The following ZFHX3 variants were observed in gnomAD, a reference collection of about 807,000 sequenced individuals.
ZFHX3 encodes the protein zinc finger homeobox 3.
In ZFHX3, 42 loss-of-function variants were observed where a neutral mutation model predicts 279.1. The ratio of observed to expected loss-of-function variants is 0.15; its 90% CI spans 0.12 to 0.19. ZFHX3 has a LOEUF of 0.19. Among genes scored for constraint, ZFHX3 ranks in the 10% least tolerant of loss-of-function variants. The pLI, the probability that ZFHX3 is intolerant of heterozygous loss-of-function variation, is 1.00. For synonymous variants in ZFHX3, 2,293 were observed against 1,957.8 expected, an observed-to-expected ratio of 1.17 and a Z score of -4.52; for missense variants, 4,981 against 4,754.0, an observed-to-expected ratio of 1.05 and a Z score of -1.40.
intron 2 of ZFHX3, among the ~76,000 whole-genome samples, chr16:73,647,072 G>C (rs774414870): frequency 2.0e-5 from 3 of 150,198 alleles, no homozygotes; most frequent in Non-Finnish European, 4.4e-5. Flanking sequence ...GGAGTGTGTG[G>C]CGCGATCTCG....
At chr16:73,543,789 AC>A (rs1430329606) in intron 2 of ZFHX3, among the ~76,000 whole-genome samples, 3 of 149,394 alleles carry the variant, frequency 2.0e-5, no homozygotes, top group Non-Finnish European at 3.0e-5. Flanking sequence ...AATGCGAGTG[AC>A]CCCCATCTGC....
chr16:72,935,516 G>A (rs1465031060), intron 3 of ZFHX3, among the ~76,000 whole-genome samples: 4 of 152,088 alleles, frequency 2.6e-5, no homozygotes, highest in Admixed American at 6.5e-5. Context: ...AGAGGCAGGC[G>A]GATCGCCCGA....
At chr16:73,665,621 G>A (rs1000622334) in intron 2 of ZFHX3, among the ~76,000 whole-genome samples, 2 of 151,820 alleles carry the variant, frequency 1.3e-5, no homozygotes, top group Non-Finnish European at 1.5e-5. Context: ...ATGGCAGTGG[G>A]ATTGTGACCT....
chr16:73,412,139 A>G (rs1405676150), intron 3 of ZFHX3, among the ~76,000 whole-genome samples: 1 of 151,968 alleles, frequency 6.6e-6, no homozygotes, highest in Non-Finnish European at 1.5e-5. Flanking sequence ...CAGCCTGGGT[A>G]ACAAGATGAA....
At chr16:73,002,179 G>A (rs140957792) in intron 1 of ZFHX3, among the ~76,000 whole-genome samples, 24 of 152,230 alleles carry the variant, frequency 1.6e-4, no homozygotes, top group African/African-American at 4.1e-4. Context: ...TCAAACCCCC[G>A]CCAGGATAGC....
intron 2 of ZFHX3, among the ~76,000 whole-genome samples, chr16:73,539,471 T>C (rs2019973520): frequency 7.7e-6 from 1 of 129,266 alleles, no homozygotes; most frequent in African/African-American, 3.0e-5. Context: ...TTATAAGGCC[T>C]CTGGCCTTAT....
At chr16:72,951,680 C>T (rs11075950) in intron 2 of ZFHX3, among the ~76,000 whole-genome samples, 91,325 of 152,050 alleles carry the variant, frequency 0.6, 28,554 homozygotes, top group Non-Finnish European at 0.7. Flanking sequence ...GGAAATGAGT[C>T]ACAGCTGCAA....
chr16:73,108,529 A>G (rs887007819), intron 7 of ZFHX3, among the ~76,000 whole-genome samples: 1 of 151,942 alleles, frequency 6.6e-6, no homozygotes, highest in African/African-American at 2.4e-5. Flanking sequence ...TTGACCTCAC[A>G]AAGTGCTGGG....
chr16:72,811,224 A>T (rs2143586072), intron 7 of ZFHX3, among the ~76,000 whole-genome samples: 1 of 152,282 alleles, frequency 6.6e-6, no homozygotes, highest in African/African-American at 2.4e-5. Context: ...TGAGGATGAA[A>T]TGAGACATAA....
rs1966301349 is a variant in ZFHX3, at chr16:73,106,117, T to C, written c.-896-12519A>G. Reference sequence around the variant, plus strand: ...GGGGCTTCTCTTGGTTCCCTGAGCTTTGGCTACTGCCTGACTTTTCTCATG... The same window carrying C: ...GGGGCTTCTCTTGGTTCCCTGAGCTCTGGCTACTGCCTGACTTTTCTCATG... On this transcript the variant is annotated intron_variant, in intron 7 of 17. Transcript: ENST00000641206. Among the ~76,000 whole-genome samples, 2 of 152,104 alleles carry C rather than the reference T, an allele frequency of 1.3e-5. 1 individual carries two copies. Among genetic ancestry groups the C allele is most frequent in the South Asian group, 4.2e-4 (2 of 4,814 alleles).
intron 5 of ZFHX3, among the ~76,000 whole-genome samples, chr16:73,198,437 G>T (rs1361157201): frequency 2.6e-5 from 4 of 150,976 alleles, no homozygotes; most frequent in Non-Finnish European, 5.9e-5. Context: ...TATGCAGAAA[G>T]GTATAATTCT....
intron 2 of ZFHX3, among the ~76,000 whole-genome samples, chr16:73,527,566 C>T (rs1253884254): frequency 6.6e-6 from 1 of 152,144 alleles, no homozygotes; most frequent in Non-Finnish European, 1.5e-5. Flanking sequence ...GACCTAGGGG[C>T]TCACTTCAGT....
intron 4 of ZFHX3, among the ~76,000 whole-genome samples, chr16:73,309,872 G>A (rs897347128): frequency 1.4e-4 from 21 of 149,760 alleles, no homozygotes; most frequent in African/African-American, 4.9e-4. Flanking sequence ...ACTTTAGGAG[G>A]CATAAACATG....
chr16:73,508,446 T>A (rs1485909221), intron 2 of ZFHX3, among the ~76,000 whole-genome samples: 1 of 152,194 alleles, frequency 6.6e-6, no homozygotes, highest in South Asian at 2.1e-4. Flanking sequence ...TATACCACCA[T>A]GGAATACTCC....
upstream of ZFHX3, chr16:73,061,551 T>C (rs530659019): frequency 2.3e-4 from 35 of 152,146 alleles, no homozygotes; most frequent in African/African-American, 7.0e-4. Context: ...CTTTTTTTTT[T>C]CCCTTTCAGT....
chr16:73,354,059 A>G (rs2016293780), intron 3 of ZFHX3, among the ~76,000 whole-genome samples: 1 of 152,182 alleles, frequency 6.6e-6, no homozygotes, highest in African/African-American at 2.4e-5. Flanking sequence ...ACCAAAATCT[A>G]ACCAGAGTAG....
chr16:72,941,658 T>C (rs1192051622), intron 3 of ZFHX3, among the ~76,000 whole-genome samples: 3 of 152,150 alleles, frequency 2.0e-5, no homozygotes, highest in South Asian at 2.1e-4. Flanking sequence ...GTTTCTATTT[T>C]TTTTTAATGT....
At chr16:73,177,601 A>G (rs746668374) in intron 5 of ZFHX3, among the ~76,000 whole-genome samples, 1 of 152,260 alleles carries the variant, frequency 6.6e-6, no homozygotes, top group Non-Finnish European at 1.5e-5. Flanking sequence ...CATACAGCCA[A>G]TATGGTTATA....
At chr16:73,665,031 CT>C (rs1193585206) in intron 2 of ZFHX3, among the ~76,000 whole-genome samples, 1 of 152,162 alleles carries the variant, frequency 6.6e-6, no homozygotes, top group African/African-American at 2.4e-5. Flanking sequence ...TGCCTCTTGT[CT>C]GCTGAAGAGT....
Sources: gnomAD v4.1 joint callset for allele counts (sites outside exome capture counted in the v4.1 genomes callset) on GRCh38, gnomAD v4.1.1 for gene constraint, MANE v1.5 for transcripts, NCBI Gene and HGNC (gene_info 2026-07-23, HGNC 2026-07-21) for gene names.